The following CNTNAP4 variants were observed in gnomAD, a reference collection of about 807,000 sequenced individuals.
CNTNAP4 encodes the protein contactin-associated protein-like 4.
In CNTNAP4, 98 loss-of-function variants were observed where a neutral mutation model predicts 148.4. The observed-to-expected ratio is 0.66, with a 90% CI of 0.56 to 0.78. The LOEUF is 0.78. Ranked by LOEUF, CNTNAP4 falls within the 30% of genes least tolerant of loss-of-function variation. CNTNAP4 has a pLI of 0.00. For missense variants in CNTNAP4, 1,935 were observed against 1,565.6 expected (o/e 1.24, Z -3.98); for synonymous variants, 730 against 565.1 (o/e 1.29, Z -4.14).
At chr16:76,534,020 G>T (rs2084106429) in intron 17 of CNTNAP4, among the ~76,000 whole-genome samples, 1 of 152,074 alleles carries the variant, frequency 6.6e-6, no homozygotes, top group African/African-American at 2.4e-5. Flanking sequence ...ATTCTTAGAG[G>T]TTCCTTTTCA....
chr16:76,430,722 C>T (rs924439324), intron 4 of CNTNAP4, among the ~76,000 whole-genome samples: 9 of 152,166 alleles, frequency 5.9e-5, no homozygotes, highest in Admixed American at 3.9e-4. Flanking sequence ...AGGTGCGCTT[C>T]GCCTGAGCCA....
intron 3 of CNTNAP4, among the ~76,000 whole-genome samples, chr16:76,381,300 G>A (rs1014268295): frequency 6.6e-6 from 1 of 152,068 alleles, no homozygotes; most frequent in African/African-American, 2.4e-5. Context: ...AGTGAGTCCC[G>A]AAACCTGACA....
At chr16:76,479,743 T>G (rs535078105) in intron 12 of CNTNAP4, among the ~76,000 whole-genome samples, 1 of 152,160 alleles carries the variant, frequency 6.6e-6, no homozygotes, top group African/African-American at 2.4e-5. Context: ...GTGGCATCTG[T>G]GTAAAACATC....
At chr16:76,331,778 A>G (rs1346054108) in intron 2 of CNTNAP4, among the ~76,000 whole-genome samples, 31 of 152,324 alleles carry the variant, frequency 2.0e-4, no homozygotes, top group Admixed American at 2.0e-3. Context: ...CCAATAAAAT[A>G]AAACTTTCTT....
intron 13 of CNTNAP4, among the ~76,000 whole-genome samples, chr16:76,494,096 C>G (rs996431448): frequency 3.2e-5 from 4 of 123,722 alleles, no homozygotes; most frequent in Non-Finnish European, 7.2e-5. Flanking sequence ...TTTTTTTTTT[C>G]CATGATAGAT....
At chr16:76,453,813 G>A (rs983674182) in intron 8 of CNTNAP4, among the ~76,000 whole-genome samples, 1 of 151,932 alleles carries the variant, frequency 6.6e-6, no homozygotes, top group Non-Finnish European at 1.5e-5. Context: ...CCGAGAATTC[G>A]ATATTAGTTA....
In CNTNAP4 at chr16:76,393,778, G is replaced by A. The variant is rs151186095; in HGVS notation, c.391-33674G>A. ...TCCTAAGAAGAGACTTCAGCCTGCG[G>A]TGCTATGAGAACATGCACTAAAATC... On this transcript the variant is annotated intron_variant, in intron 3 of 23. Transcript: ENST00000611870. Among the ~76,000 whole-genome samples the A allele has an allele frequency of 3.7e-3, 568 of 152,262 alleles. 1 individual carries two copies. Among genetic ancestry groups the A allele is most frequent in the African/African-American group, 0.013 (535 of 41,546 alleles).
At chr16:76,405,241 G>C (rs1276013481) in intron 3 of CNTNAP4, among the ~76,000 whole-genome samples, 1 of 152,098 alleles carries the variant, frequency 6.6e-6, no homozygotes, top group African/African-American at 2.4e-5. Flanking sequence ...CATTATTCTA[G>C]AGACCATCTT....
In CNTNAP4 at chr16:76,495,274, G is replaced by A. The variant is rs1465948008; in HGVS notation, c.2237+208G>A. 4 of 362,844 alleles carry A rather than the reference G, an allele frequency of 1.1e-5. No individual in the cohort carries two copies. In the Admixed American group the frequency reaches 1.7e-4, roughly 16 times the overall value. 22.5% of individuals were successfully genotyped at this position (362,844 alleles called of 1,614,324 possible). A position where few individuals can be genotyped will look rare whatever the true frequency, so the allele number is the denominator to read the frequency against. ...AGTTATTTTCTGTAATGGACCATAA[G>A]TCATGTATATTTTAATTTTATAATC... On this transcript the variant is annotated intron_variant, in intron 14 of 23. Coordinates refer to ENST00000611870, the MANE Select transcript of CNTNAP4 (RefSeq NM_033401.5).
At chr16:76,376,904 GGTTTGT>G (rs1268005605) in intron 3 of CNTNAP4, among the ~76,000 whole-genome samples, 31 of 103,928 alleles carry the variant, frequency 3.0e-4, no homozygotes, top group African/African-American at 1.2e-3. Flanking sequence ...AAACTAACAA[GGTTTGT>G]GTGTGTGTGT....
intron 3 of CNTNAP4, among the ~76,000 whole-genome samples, chr16:76,370,178 C>G (rs1202813119): frequency 1.3e-5 from 2 of 151,642 alleles, no homozygotes; most frequent in South Asian, 2.1e-4. Flanking sequence ...GTTGTCAATA[C>G]AAAGCATCAC....
intron 2 of CNTNAP4, among the ~76,000 whole-genome samples, chr16:76,322,151 T>G (rs1324422229): frequency 6.6e-6 from 1 of 152,236 alleles, no homozygotes; most frequent in African/African-American, 2.4e-5. Flanking sequence ...CTTTGGCAAC[T>G]GAAGAATTAC....
intron 4 of CNTNAP4, among the ~76,000 whole-genome samples, chr16:76,447,599 T>A (rs2080296822): frequency 6.6e-6 from 1 of 152,128 alleles, no homozygotes; most frequent in African/African-American, 2.4e-5. Context: ...AGAGACAATA[T>A]GCATTCAGTA....
chr16:76,550,396 G>A (rs1443827634), intron 21 of CNTNAP4, among the ~76,000 whole-genome samples: 4 of 152,152 alleles, frequency 2.6e-5, no homozygotes, highest in African/African-American at 7.2e-5. Context: ...GAGTTTTAGC[G>A]GTCATTGGTT....
At chr16:76,303,448 C>G (rs1960182565) in intron 1 of CNTNAP4, among the ~76,000 whole-genome samples, 1 of 152,150 alleles carries the variant, frequency 6.6e-6, no homozygotes, top group Non-Finnish European at 1.5e-5. Flanking sequence ...TTGAGACTTA[C>G]TCAATTTTCC....
At chr16:76,388,750 T>G (rs1392033055) in intron 3 of CNTNAP4, among the ~76,000 whole-genome samples, 3 of 152,216 alleles carry the variant, frequency 2.0e-5, no homozygotes, top group Non-Finnish European at 4.4e-5. Context: ...TAAATCTAAA[T>G]GATGGAAATG....
chr16:76,555,692 A>G (rs1160505972), intron 23 of CNTNAP4, among the ~76,000 whole-genome samples: 1 of 152,254 alleles, frequency 6.6e-6, no homozygotes, highest in Non-Finnish European at 1.5e-5. Context: ...ACAGAGTTAA[A>G]CAAGAAGTGC....
chr16:76,476,829 C>T (rs1304164130), intron 11 of CNTNAP4, among the ~76,000 whole-genome samples: 4 of 152,084 alleles, frequency 2.6e-5, no homozygotes, highest in Admixed American at 2.0e-4. Context: ...TCAACATACA[C>T]GTTTTGAGGG....
intron 4 of CNTNAP4, among the ~76,000 whole-genome samples, chr16:76,444,702 G>A (rs536273808): frequency 6.6e-6 from 1 of 152,206 alleles, no homozygotes; most frequent in African/African-American, 2.4e-5. Flanking sequence ...CTTATAAAAA[G>A]TGACCTACAA....
Sources: allele counts gnomAD v4.1 joint callset (sites outside exome capture counted in the v4.1 genomes callset), GRCh38; gene constraint gnomAD v4.1.1; transcripts MANE v1.5; gene names NCBI Gene and HGNC (gene_info 2026-07-23, HGNC 2026-07-21).